The following SNX29 variants were observed in gnomAD, a reference collection of about 807,000 sequenced individuals.
The protein encoded by SNX29 is sorting nexin-29.
A neutral mutation model predicts 102.1 loss-of-function variants in SNX29; 78 were observed. That is an observed-to-expected ratio of 0.76 (90% CI 0.64 to 0.92). SNX29 has a LOEUF of 0.92. SNX29 is among the 40% of genes least tolerant of loss of function. The probability of loss-of-function intolerance (pLI) is 0.00; values close to 1 mark genes in which losing one functional copy is unlikely to be tolerated. For synonymous variants in SNX29, 580 were observed against 414.5 expected (o/e 1.40, Z -4.85); for missense variants, 1,280 against 1,061.7 (o/e 1.21, Z -2.86).
intron 20 of SNX29, among the ~76,000 whole-genome samples, chr16:12,559,329 G>C (rs1236821896): frequency 6.6e-6 from 1 of 151,752 alleles, no homozygotes; most frequent in East Asian, 1.9e-4. Flanking sequence ...GCCCATGTGA[G>C]GGATCTAGGC....
At chr16:12,323,347 GATTT>G (rs1458927397) in intron 15 of SNX29, among the ~76,000 whole-genome samples, 1 of 152,116 alleles carries the variant, frequency 6.6e-6, no homozygotes, top group East Asian at 1.9e-4. Flanking sequence ...CACCACTACT[GATTT>G]AATATTTTCT....
At chr16:12,057,201 C>T (rs955192886) in intron 8 of SNX29, among the ~76,000 whole-genome samples, 2 of 152,222 alleles carry the variant, frequency 1.3e-5, no homozygotes, top group African/African-American at 4.8e-5. Flanking sequence ...GGACTACAAA[C>T]ATATGCTGTG....
intron 8 of SNX29, among the ~76,000 whole-genome samples, chr16:12,059,219 C>T (rs1227252234): frequency 4.6e-5 from 7 of 152,156 alleles, no homozygotes; most frequent in East Asian, 1.9e-4. Context: ...AGCAGAACAT[C>T]GCACCTGCCC....
At chr16:12,071,209 A>G (rs1226998788) in intron 10 of SNX29, among the ~76,000 whole-genome samples, 1 of 152,024 alleles carries the variant, frequency 6.6e-6, no homozygotes, top group African/African-American at 2.4e-5. Flanking sequence ...TTTTGTTGCC[A>G]TTGCTTTTGG....
rs16958817 is a variant in SNX29, at chr16:11,988,359, T to G, written c.8-10938T>G. ...CATAATGGTGCCATGTGGTAGTTAT[T>G]AATAGGCATATAATTTGCATTTCTC... is the stretch of plus-strand genomic sequence containing the variant. On this transcript the variant is annotated intron_variant, in intron 1 of 20. Coordinates refer to ENST00000566228, the MANE Select transcript of SNX29 (RefSeq NM_032167.5). Among the ~76,000 whole-genome samples the G allele has an allele frequency of 7.3e-3, 1,117 of 152,252 alleles. 13 individuals are homozygous for G. Among genetic ancestry groups the G allele is most frequent in the African/African-American group, 0.026 (1,070 of 41,536 alleles).
intron 18 of SNX29, among the ~76,000 whole-genome samples, chr16:12,427,933 A>AC (rs1470682652): frequency 7.9e-5 from 12 of 152,236 alleles, no homozygotes; most frequent in African/African-American, 2.2e-4. Flanking sequence ...TTTAGCAGTT[A>AC]CCCGAAGCAC....
intron 14 of SNX29, among the ~76,000 whole-genome samples, chr16:12,225,479 T>C (rs142341497): frequency 7.2e-5 from 11 of 152,204 alleles, no homozygotes; most frequent in African/African-American, 2.7e-4. Context: ...GCACAAGCTC[T>C]CTCTCTTTGA....
intron 15 of SNX29, among the ~76,000 whole-genome samples, chr16:12,351,644 A>G (rs539642468): frequency 2.6e-4 from 39 of 152,258 alleles, no homozygotes; most frequent in African/African-American, 8.2e-4. Context: ...TGGTATTTTT[A>G]CAGACTTAAA....
At chr16:12,337,241 G>T (rs2081478461) in intron 15 of SNX29, among the ~76,000 whole-genome samples, 1 of 152,172 alleles carries the variant, frequency 6.6e-6, no homozygotes, top group Non-Finnish European at 1.5e-5. Flanking sequence ...CACAGTTGCT[G>T]GAGATAGGTA....
chr16:12,332,336 A>G (rs2081314438), intron 15 of SNX29, among the ~76,000 whole-genome samples: 1 of 152,140 alleles, frequency 6.6e-6, no homozygotes, highest in African/African-American at 2.4e-5. Flanking sequence ...TTTCCCCTGC[A>G]TGAAGCTCCG....
In SNX29 at chr16:12,571,123, T is replaced by C. The variant is rs916624758; in HGVS notation, c.*2494T>C. 9.0e-5 allele frequency: 21 copies of C among 232,498 alleles called. No homozygotes were observed. The highest frequency in any genetic ancestry group is 1.2e-3 in the Middle Eastern group (1 of 806). 14.4% of individuals were successfully genotyped at this position (232,498 alleles called of 1,614,324 possible). On this transcript the variant is annotated 3_prime_UTR_variant, in exon 21 of 21. Transcript: ENST00000566228. Reference sequence around the variant, plus strand: ...CCCTTTGGAATCCCATAGAATGTTCTGCAATGATTGGGTCCATCTTGCTGC... The same window carrying C: ...CCCTTTGGAATCCCATAGAATGTTCCGCAATGATTGGGTCCATCTTGCTGC...
At chr16:12,201,465 A>C (rs2076913302) in intron 14 of SNX29, among the ~76,000 whole-genome samples, 1 of 152,196 alleles carries the variant, frequency 6.6e-6, no homozygotes, top group South Asian at 2.1e-4. Context: ...CTGTTATTTT[A>C]AAGTTTGTTA....
At chr16:12,179,584 T>A (rs1232418510) in intron 13 of SNX29, among the ~76,000 whole-genome samples, 1 of 152,258 alleles carries the variant, frequency 6.6e-6, no homozygotes, top group Non-Finnish European at 1.5e-5. Flanking sequence ...GTATATACTT[T>A]ACTCATTCCT....
intron 13 of SNX29, among the ~76,000 whole-genome samples, chr16:12,154,843 C>T (rs759171709): frequency 1.1e-4 from 16 of 152,188 alleles, no homozygotes; most frequent in Non-Finnish European, 5.9e-5. Context: ...GCCTCTCTTA[C>T]AAAGGCACGA....
intron 20 of SNX29, among the ~76,000 whole-genome samples, chr16:12,549,010 C>G (rs897790135): frequency 2.6e-5 from 4 of 152,236 alleles, no homozygotes; most frequent in African/African-American, 9.6e-5. Context: ...TCCGTTGTAA[C>G]AGCATAAAAA....
rs888897490 is a variant in SNX29, at chr16:12,569,527, G to C, written c.*898G>C. ...TCAAACCAGGCTCCATGACTATGAA[G>C]TTGGACCCAGTGTGGACACTTAACA... On this transcript the variant is annotated 3_prime_UTR_variant, in exon 21 of 21. Coordinates refer to ENST00000566228, the MANE Select transcript of SNX29 (RefSeq NM_032167.5). 8.6e-6 allele frequency: 2 copies of C among 231,584 alleles called. 1 individual carries two copies. The highest frequency in any genetic ancestry group is 4.4e-5 in the African/African-American group (2 of 45,374). The allele number at this position is 231,584 out of a possible 1,614,324, so 14.3% of individuals were successfully genotyped here. A position where few individuals can be genotyped will look rare whatever the true frequency, so the allele number is the denominator to read the frequency against.
intron 15 of SNX29, among the ~76,000 whole-genome samples, chr16:12,335,043 G>A (rs978434560): frequency 2.0e-5 from 3 of 151,914 alleles, no homozygotes; most frequent in Non-Finnish European, 4.4e-5. Context: ...TGTGAGGGGA[G>A]GTTGACTGTC....
chr16:12,170,964 A>T (rs1280836819), intron 13 of SNX29, among the ~76,000 whole-genome samples: 1 of 151,936 alleles, frequency 6.6e-6, no homozygotes, highest in Non-Finnish European at 1.5e-5. Flanking sequence ...CAGGAGAAAA[A>T]TCCCGGCCAG....
intron 19 of SNX29, among the ~76,000 whole-genome samples, chr16:12,503,785 C>G (rs574831367): frequency 3.2e-4 from 48 of 152,272 alleles, no homozygotes; most frequent in African/African-American, 1.1e-3. Flanking sequence ...TGGCAATACC[C>G]GCTGCAGAAA....
Sources: allele counts gnomAD v4.1 joint callset (sites outside exome capture counted in the v4.1 genomes callset), GRCh38; gene constraint gnomAD v4.1.1; transcripts MANE v1.5; gene names NCBI Gene and HGNC (gene_info 2026-07-23, HGNC 2026-07-21).